Variants in PCM1 observed in about 807,000 individuals in gnomAD.
PCM1 encodes the protein pericentriolar material 1.
Under a neutral mutation model 241.9 loss-of-function variants are expected in PCM1, and 157 were observed. The ratio of observed to expected loss-of-function variants is 0.65; its 90% CI spans 0.57 to 0.74. The LOEUF (loss-of-function observed/expected upper bound fraction) is 0.74, where lower values mean the gene tolerates loss of function less well. Among genes scored for constraint, PCM1 ranks in the 30% least tolerant of loss-of-function variants. The pLI is 0.00. For missense variants in PCM1, 3,478 were observed against 2,360.1 expected (o/e 1.47, Z -9.81); for synonymous variants, 1,085 against 784.9 (o/e 1.38, Z -6.39).
chr8:17,974,085 A>G (rs534871476), intron 23 of PCM1, among the ~76,000 whole-genome samples: 2 of 152,322 alleles, frequency 1.3e-5, no homozygotes, highest in South Asian at 4.1e-4. Context: ...CAGGAGTGAA[A>G]GAGGTGACAT....
chr8:17,928,195 G>C (rs1236030529), intron 2 of PCM1, among the ~76,000 whole-genome samples: 1 of 152,126 alleles, frequency 6.6e-6, no homozygotes, highest in African/African-American at 2.4e-5. Context: ...ACCTTGGGTG[G>C]ATTCAGTGGA....
intron 36 of PCM1, among the ~76,000 whole-genome samples, chr8:18,020,158 G>C (rs2093641624): frequency 6.6e-6 from 1 of 152,058 alleles, no homozygotes; most frequent in South Asian, 2.1e-4. Context: ...CTTTCACTTT[G>C]GGATTATCAA....
chr8:17,939,105 G>C (rs114368127), intron 5 of PCM1, 96 bp downstream of exon 5: 1 of 1,227,646 alleles, frequency 8.1e-7, no homozygotes, highest in South Asian at 1.5e-5. Context: ...AGGAATTTTA[G>C]TTGGGTGGAA....
chr8:17,961,980 A>G (rs1216754394), intron 15 of PCM1, 54 bp from the exon 16 acceptor site: 1 of 1,518,548 alleles, frequency 6.6e-7, no homozygotes. Context: ...GCTTTTATGA[A>G]ATTAATATAA....
intron 36 of PCM1, among the ~76,000 whole-genome samples, chr8:18,021,300 T>C (rs1217564963): frequency 6.6e-6 from 1 of 152,138 alleles, no homozygotes; most frequent in Admixed American, 6.6e-5. Context: ...TGAAAAAGAT[T>C]ATGAAAGCAG....
intron 27 of PCM1, among the ~76,000 whole-genome samples, chr8:17,990,827 G>T (rs1234558951): frequency 6.6e-6 from 1 of 152,042 alleles, no homozygotes; most frequent in Admixed American, 6.6e-5. Context: ...CATTCCTACT[G>T]TTCGCCAAAA....
At position 17,964,604 on chromosome 8, in the gene PCM1, A is replaced by C. The variant is rs1256619997; in HGVS notation, c.2691A>C (p.Ala897=). Residue 897 remains alanine (A), a synonymous_variant, in exon 18 of 39, where the codon GCA becomes GCC. Coordinates refer to ENST00000325083, the MANE Select transcript of PCM1 (RefSeq NM_006197.4). ...MATWGGSTQC[A]LDEEGDEDGY... ...CTTGGGGAGGGTCTACCCAGTGTGC[A>C]CTAGATGAAGAAGGAGATGAAGACG... 1 of 1,613,946 alleles carries C rather than the reference A, an allele frequency of 6.2e-7. No individual in the cohort carries two copies. Among genetic ancestry groups the C allele is most frequent in the Non-Finnish European group, 8.5e-7 (1 of 1,179,860 alleles).
At chr8:17,968,937 A>G (rs1410169825) in intron 21 of PCM1, among the ~76,000 whole-genome samples, 1 of 152,014 alleles carries the variant, frequency 6.6e-6, no homozygotes, top group Admixed American at 6.6e-5. Flanking sequence ...CTTTTTACTA[A>G]AATATACTTC....
intron 3 of PCM1, among the ~76,000 whole-genome samples, chr8:17,936,686 G>T (rs1436689841): frequency 6.6e-6 from 1 of 152,156 alleles, no homozygotes; most frequent in East Asian, 1.9e-4. Context: ...GGGTCACACA[G>T]TGGAGTGTTT....
At chr8:18,020,157 T>G (rs1488041616) in intron 36 of PCM1, among the ~76,000 whole-genome samples, 1 of 152,206 alleles carries the variant, frequency 6.6e-6, no homozygotes, top group Non-Finnish European at 1.5e-5. Flanking sequence ...CCTTTCACTT[T>G]GGGATTATCA....
intron 22 of PCM1, among the ~76,000 whole-genome samples, chr8:17,970,243 T>G (rs943123380): frequency 1.3e-5 from 2 of 152,154 alleles, no homozygotes; most frequent in Non-Finnish European, 2.9e-5. Flanking sequence ...AAACAGAGTT[T>G]TTGACTCAGT....
intron 3 of PCM1, among the ~76,000 whole-genome samples, chr8:17,936,619 T>G (rs1325090466): frequency 6.6e-6 from 1 of 152,170 alleles, no homozygotes; most frequent in Non-Finnish European, 1.5e-5. Flanking sequence ...ATTTTGAAGG[T>G]GACACTATTT....
chr8:18,016,429 C>CAGAGAAGAGAAGAGTT (rs146270748), intron 36 of PCM1, among the ~76,000 whole-genome samples: 12,206 of 151,614 alleles, frequency 0.081, 662 homozygotes, highest in East Asian at 0.24. Context: ...TACACTTTAC[C>CAGAGAAGAGAAGAGTT]AGAGAAGAGA....
intron 24 of PCM1, chr8:17,983,277 A>G (rs539569345): frequency 1.2e-5 from 16 of 1,324,594 alleles, no homozygotes; most frequent in Non-Finnish European, 1.5e-5. Context: ...AAATGCATGC[A>G]ATGAAGCGCC....
In PCM1 at chr8:17,923,026, G is replaced by A. The variant is rs1179683564; in HGVS notation, c.-253G>A. ...AAGATGGCGGTGGCTGCGGCGGTTGGCGCTGCGTAGCTGAGGTCGAAAAGG... is the reference window on the plus strand; with the variant it reads ...AAGATGGCGGTGGCTGCGGCGGTTGACGCTGCGTAGCTGAGGTCGAAAAGG... On this transcript the variant is annotated 5_prime_UTR_variant, in exon 1 of 39. Coordinates refer to ENST00000325083, the MANE Select transcript of PCM1 (RefSeq NM_006197.4). 1 of 152,870 alleles carries A rather than the reference G, an allele frequency of 6.5e-6. No individual in the cohort carries two copies. The highest frequency in any genetic ancestry group is 2.4e-5 in the African/African-American group (1 of 41,468). 9.5% of individuals were successfully genotyped at this position (152,870 alleles called of 1,614,324 possible).
intron 24 of PCM1, chr8:17,983,339 T>C (rs1209777044): frequency 2.6e-6 from 3 of 1,161,526 alleles, no homozygotes; most frequent in Non-Finnish European, 3.5e-6. Context: ...TTTTTTCCCA[T>C]TGGTCCTAAA....
At chr8:18,004,033 G>T (rs182902480) in intron 29 of PCM1, among the ~76,000 whole-genome samples, 2 of 150,342 alleles carry the variant, frequency 1.3e-5, no homozygotes, top group Non-Finnish European at 2.9e-5. Flanking sequence ...GATATGTACA[G>T]TTACTTTATA....
At chr8:18,020,810 C>CTTTG (rs2093689874) in intron 36 of PCM1, among the ~76,000 whole-genome samples, 2 of 152,078 alleles carry the variant, frequency 1.3e-5, no homozygotes, top group South Asian at 4.1e-4. Flanking sequence ...ATAGGTATGC[C>CTTTG]TTTGGAGTGA....
intron 22 of PCM1, 21 bp from the exon 23 acceptor site, chr8:17,972,308 A>C: frequency 2.2e-6 from 3 of 1,389,942 alleles, no homozygotes; most frequent in Non-Finnish European, 2.9e-6. Context: ...TAACTTATAA[A>C]AACTTGTTTT....
Sources: gnomAD v4.1 joint callset for allele counts (sites outside exome capture counted in the v4.1 genomes callset) on GRCh38, gnomAD v4.1.1 for gene constraint, MANE v1.5 for transcripts, NCBI Gene and HGNC (gene_info 2026-07-23, HGNC 2026-07-21) for gene names.